Variants in KNTC1 observed in about 807,000 individuals in gnomAD.
KNTC1 encodes the protein kinetochore-associated protein 1.
KNTC1 carries 253 observed loss-of-function variants against 314.4 expected under a neutral mutation model. That is an observed-to-expected ratio of 0.80 (90% CI 0.73 to 0.89). KNTC1 has a LOEUF of 0.89. KNTC1 is among the 40% of genes least tolerant of loss of function. The pLI is 0.00. For missense variants in KNTC1, 2,475 were observed against 2,572.9 expected (o/e 0.96, Z 0.82); for synonymous variants, 901 against 901.4 (o/e 1.00, Z 0.01).
Position 122,577,017 on chromosome 12 carries a change from T to C in KNTC1, c.2709T>C (p.Ile903=), listed in dbSNP as rs189280253. ...EIYSLRIIDL[I]DREQGEDCLL... ...ACAGTCTAAGAATTATTGACCTGAT[T>C]GATAGAGAACAGGTTTGTAAGTTTT... The change falls in exon 30 of 64, where the codon ATT becomes ATC. Residue 903 remains isoleucine, a synonymous_variant. Coordinates refer to ENST00000333479, the MANE Select transcript of KNTC1 (RefSeq NM_014708.6). 19 of 1,548,180 alleles carry C rather than the reference T, an allele frequency of 1.2e-5. No individual in the cohort carries two copies. Among genetic ancestry groups the C allele is most frequent in the East Asian group, 7.0e-5 (3 of 42,626 alleles).
chr12:122,580,678 T>C lies in KNTC1; in HGVS notation c.2982+8T>C, dbSNP rs115059201. Reference sequence around the variant, plus strand: ...GAGGTTGCTAGCTTACAGGTAAACATATTGAGCCATGTTAAACATTATTAC... The same window carrying C: ...GAGGTTGCTAGCTTACAGGTAAACACATTGAGCCATGTTAAACATTATTAC... On this transcript the variant is annotated splice_region_variant and intron_variant, in intron 33 of 63. Coordinates refer to ENST00000333479, the MANE Select transcript of KNTC1 (RefSeq NM_014708.6). 7,988 of 1,527,828 alleles carry C rather than the reference T, an allele frequency of 5.2e-3. 154 individuals are homozygous for C. In the African/African-American group the frequency reaches 0.06, roughly 12 times the overall value. The allele number at this position is 1,527,828 out of a possible 1,614,324, so 94.6% of individuals were successfully genotyped here.
rs1288716467 is a variant in KNTC1, at chr12:122,577,735, A to G, written c.2785A>G (p.Arg929Gly). Residue 929 changes from arginine (R) to glycine (G), a missense_variant, in exon 31 of 64, where the codon AGA becomes GGA. Arg to Gly is a moderately radical substitution (Grantham distance 125). Coordinates refer to ENST00000333479, the MANE Select transcript of KNTC1 (RefSeq NM_014708.6). ...TGCTGAAGCTGAGAAAACTGCAGAA[A>G]GAGTCATCATATGGGCACGACTGGC... is the stretch of plus-strand genomic sequence containing the variant. ...PPAEAEKTAE[R>G]VIIWARLALQ... 3 of 1,613,786 alleles carry G rather than the reference A, an allele frequency of 1.9e-6. No homozygotes were observed. The highest frequency in any genetic ancestry group is 2.5e-6 in the Non-Finnish European group (3 of 1,179,820).
intron 2 of KNTC1, among the ~76,000 whole-genome samples, chr12:122,533,604 C>T (rs960157856): frequency 2.0e-5 from 3 of 151,888 alleles, no homozygotes; most frequent in African/African-American, 4.8e-5. Flanking sequence ...TGGGGAGGCA[C>T]GAAGATCCCT....
At position 122,601,635 on chromosome 12, in the gene KNTC1, A is replaced by C. The variant is rs1306358776; in HGVS notation, c.4653+10A>C. ...TATTAATATTAATCAGGTATAACAA[A>C]TATATCAAAGATGTAAAAATCATCT... On this transcript the variant is annotated intron_variant, in intron 45 of 63. Transcript: ENST00000333479. 2.0e-6 allele frequency: 3 copies of C among 1,479,584 alleles called. No individual in the cohort carries two copies. The highest frequency in any genetic ancestry group is 9.0e-7 in the Non-Finnish European group (1 of 1,115,812). The allele number at this position is 1,479,584 out of a possible 1,614,324, so 91.7% of individuals were successfully genotyped here.
At chr12:122,553,201 A>C (rs1963318364) in intron 16 of KNTC1, among the ~76,000 whole-genome samples, 1 of 151,654 alleles carries the variant, frequency 6.6e-6, no homozygotes, top group African/African-American at 2.4e-5. Context: ...TGGAATCAGC[A>C]GGACTTAGTG....
chr12:122,576,831 G>A, intron 29 of KNTC1, 64 bp from the exon 30 acceptor site: 4 of 1,342,328 alleles, frequency 3.0e-6, no homozygotes, highest in Middle Eastern at 2.5e-4. Context: ...GCTCTTATAA[G>A]CAAGTGATTT....
intron 41 of KNTC1, 137 bp downstream of exon 41, chr12:122,590,872 T>G: frequency 1.2e-6 from 1 of 805,504 alleles, no homozygotes; most frequent in Non-Finnish European, 1.9e-6. Context: ...TACCAGCTTC[T>G]GCTTGACTGG....
chr12:122,552,923 C>T (rs1374837137), intron 16 of KNTC1, among the ~76,000 whole-genome samples: 1 of 152,000 alleles, frequency 6.6e-6, no homozygotes, highest in Non-Finnish European at 1.5e-5. Flanking sequence ...GAGACAGAGA[C>T]AGGCAGATAA....
intron 34 of KNTC1, 52 bp from the exon 35 acceptor site, chr12:122,584,226 G>A (rs1475621520): frequency 9.9e-6 from 13 of 1,312,158 alleles, no homozygotes; most frequent in Admixed American, 3.7e-5. Context: ...AAGGCCATGC[G>A]TTCACTTTCA....
intron 13 of KNTC1, 76 bp from the exon 14 acceptor site, chr12:122,551,243 C>G (rs1963174084): frequency 1.1e-6 from 1 of 945,438 alleles, no homozygotes; most frequent in African/African-American, 1.6e-5. Flanking sequence ...CATGCCTGAA[C>G]CAGTAGTTAC....
chr12:122,543,799 C>A (rs1034294365), intron 7 of KNTC1, among the ~76,000 whole-genome samples, 165 bp downstream of exon 7: 6 of 151,820 alleles, frequency 4.0e-5, no homozygotes, highest in Non-Finnish European at 8.8e-5. Context: ...GCCCGTAATC[C>A]CAGCACTTTG....
rs937154011 is a variant in KNTC1, at chr12:122,549,638, T to A, written c.988-128T>A. 8.2e-6 allele frequency: 5 copies of A among 612,422 alleles called. No homozygotes were observed. In the African/African-American group the frequency reaches 9.3e-5, roughly 11 times the overall value. The allele number at this position is 612,422 out of a possible 1,614,324, so 37.9% of individuals were successfully genotyped here. A position where few individuals can be genotyped will look rare whatever the true frequency, so the allele number is the denominator to read the frequency against. On this transcript the variant is annotated intron_variant, in intron 12 of 63. Coordinates refer to ENST00000333479, the MANE Select transcript of KNTC1 (RefSeq NM_014708.6). ...GCCTCAGCCTCCCAAAGTGCTGGGA[T>A]TATAGGCATGAGCCACCACGCCCAG...
rs374749286 is a variant in KNTC1, at chr12:122,546,223, G to A, written c.717G>A (p.Lys239=). The part of the protein sequence containing the change: ...AFSKWEPDSS[K]KGMTVKNLID... ...CAAAATGGGAACCAGATTCTTCCAA[G>A]AAAGGAATGACAGTTAAGAACCTTA... Residue 239 remains lysine (K), a synonymous_variant, in exon 9 of 64, where the codon AAG becomes AAA. Coordinates refer to ENST00000333479, the MANE Select transcript of KNTC1 (RefSeq NM_014708.6). The A allele has an allele frequency of 1.2e-6, 2 of 1,609,454 alleles. No individual in the cohort carries two copies. Among genetic ancestry groups the A allele is most frequent in the Non-Finnish European group, 8.5e-7 (1 of 1,176,140 alleles).
At position 122,601,625 on chromosome 12, in the gene KNTC1, G is replaced by A; in HGVS notation, c.4653G>A (p.Gln1551=). ...DEKITNININ[Q]ALSILKHLKS... ...AGATAACCAATATTAATATTAATCA[G>A]GTATAACAAATATATCAAAGATGTA... is the stretch of plus-strand genomic sequence containing the variant. Residue 1551 remains glutamine (Q), a splice_region_variant and synonymous_variant, in exon 45 of 64, where the codon CAG becomes CAA. Coordinates refer to ENST00000333479, the MANE Select transcript of KNTC1 (RefSeq NM_014708.6). 1.3e-6 allele frequency: 2 copies of A among 1,491,002 alleles called. No homozygotes were observed. The highest frequency in any genetic ancestry group is 8.9e-7 in the Non-Finnish European group (1 of 1,122,512). 92.4% of individuals were successfully genotyped at this position (1,491,002 alleles called of 1,614,324 possible).
At chr12:122,577,096 GAGACAGGGTCTCGCTCCATTGCCC>G in intron 30 of KNTC1, 67 bp downstream of exon 30, 1 of 1,285,794 alleles carries the variant, frequency 7.8e-7, no homozygotes, top group Non-Finnish European at 1.0e-6. Flanking sequence ...GTTGTTTTTT[GAGACAGGGTCTCGCTCCATTGCCC>G]AGGCTGGAGT....
intron 51 of KNTC1, among the ~76,000 whole-genome samples, chr12:122,606,787 C>G (rs562424094): frequency 2.0e-5 from 3 of 151,930 alleles, no homozygotes; most frequent in Non-Finnish European, 2.9e-5. Context: ...GATACTCTTA[C>G]GATATTTTTC....
intron 42 of KNTC1, chr12:122,593,952 CAGAA>C (rs1345778815): frequency 2.4e-5 from 5 of 210,444 alleles, no homozygotes; most frequent in Non-Finnish European, 4.7e-5. Flanking sequence ...GTTGACTTAT[CAGAA>C]AGGTAATCAG....
At chr12:122,529,259 A>C (rs1017176950) in intron 1 of KNTC1, among the ~76,000 whole-genome samples, 4 of 152,206 alleles carry the variant, frequency 2.6e-5, no homozygotes, top group Non-Finnish European at 5.9e-5. Flanking sequence ...AATTGTTTCT[A>C]CCTTGTGCTA....
intron 44 of KNTC1, 112 bp from the exon 45 acceptor site, chr12:122,601,424 T>C: frequency 2.1e-6 from 2 of 950,048 alleles, no homozygotes; most frequent in African/African-American, 1.7e-5. Context: ...AATTTAACAA[T>C]GTAGTGCAGT....
Sources: gnomAD v4.1 joint callset for allele counts (sites outside exome capture counted in the v4.1 genomes callset) on GRCh38, gnomAD v4.1.1 for gene constraint, MANE v1.5 for transcripts, NCBI Gene and HGNC (gene_info 2026-07-23, HGNC 2026-07-21) for gene names.